DTNB: variants seen among roughly 807,000 people sequenced by gnomAD.
The protein encoded by DTNB is dystrobrevin beta.
DTNB carries 63 observed loss-of-function variants against 90.7 expected under a neutral mutation model. The ratio of observed to expected loss-of-function variants is 0.69; its 90% CI spans 0.57 to 0.86. The LOEUF is 0.86. DTNB is among the 40% of genes least tolerant of loss of function. DTNB has a pLI of 0.00. For synonymous variants in DTNB, 277 were observed against 286.7 expected (o/e 0.97, Z 0.34); for missense variants, 744 against 807.1 (o/e 0.92, Z 0.95).
In DTNB at chr2:25,580,782, G is replaced by T. The variant is rs769696887; in HGVS notation, c.648C>A (p.Asp216Glu). The change falls in exon 7 of 21, where the codon GAC (aspartate) becomes GAA (glutamate). Residue 216 changes from aspartate (D) to glutamate (E), a missense_variant. Physicochemically the swap from Asp to Glu is conservative, Grantham distance 45. Transcript: ENST00000406818. ...LNMFLDTMMA[D>E]PPPQCLVWLP... is the part of the protein sequence containing the mutation. ...GCCAGACAAGGCACTGGGGAGGAGGGTCAGCCATCATTGTGTCTAAAAACA... is the reference window on the plus strand; with the variant it reads ...GCCAGACAAGGCACTGGGGAGGAGGTTCAGCCATCATTGTGTCTAAAAACA... The T allele has an allele frequency of 1.2e-6, 2 of 1,613,522 alleles. No homozygotes were observed. The highest frequency in any genetic ancestry group is 1.7e-6 in the Non-Finnish European group (2 of 1,179,584).
intron 8 of DTNB, among the ~76,000 whole-genome samples, chr2:25,543,862 C>G (rs2081888805): frequency 1.3e-5 from 2 of 152,180 alleles, no homozygotes; most frequent in South Asian, 4.1e-4. Flanking sequence ...TGAGAACTTA[C>G]TGTCAGGGAC....
At chr2:25,507,724 G>A (rs1171616130) in intron 9 of DTNB, among the ~76,000 whole-genome samples, 1 of 152,106 alleles carries the variant, frequency 6.6e-6, no homozygotes, top group African/African-American at 2.4e-5. Context: ...TTTTAAAATG[G>A]AAGTCAGATC....
chr2:25,455,351 T>C lies in DTNB; in HGVS notation c.1169+54A>G, dbSNP rs2150153850. 4 of 1,500,016 alleles carry C rather than the reference T, an allele frequency of 2.7e-6. No homozygotes were observed. In the South Asian group the frequency reaches 3.8e-5, roughly 14 times the overall value. The allele number at this position is 1,500,016 out of a possible 1,614,324, so 92.9% of individuals were successfully genotyped here. On this transcript the variant is annotated intron_variant, in intron 11 of 20. Transcript: ENST00000406818. ...AGCTGACAACCCCAGGTAGCAAAGC[T>C]CTCCCTCCCTCTGATCACCCGTGGC...
At chr2:25,655,926 C>T (rs2081987642) in intron 1 of DTNB, among the ~76,000 whole-genome samples, 1 of 152,106 alleles carries the variant, frequency 6.6e-6, no homozygotes, top group Admixed American at 6.6e-5. Flanking sequence ...AACTACCTTT[C>T]CCCTGAAGGA....
At chr2:25,643,990 T>A (rs993918187) in intron 2 of DTNB, among the ~76,000 whole-genome samples, 1 of 152,176 alleles carries the variant, frequency 6.6e-6, no homozygotes, top group Non-Finnish European at 1.5e-5. Flanking sequence ...CTGGTGGTCC[T>A]CACTGCTATA....
chr2:25,524,523 T>C (rs1023454908), intron 9 of DTNB, among the ~76,000 whole-genome samples: 2 of 151,260 alleles, frequency 1.3e-5, no homozygotes, highest in Non-Finnish European at 2.9e-5. Context: ...TCTTGTAGAG[T>C]TGAAGACATT....
intron 4 of DTNB, among the ~76,000 whole-genome samples, chr2:25,620,548 T>C (rs1420059555): frequency 6.6e-6 from 1 of 152,190 alleles, no homozygotes; most frequent in Non-Finnish European, 1.5e-5. Context: ...AAAAATTTTC[T>C]GAAAGATTAG....
chr2:25,531,538 C>T lies in DTNB; in HGVS notation c.936G>A (p.Thr312=), dbSNP rs1558905877. The change falls in exon 9 of 21, where the codon ACG becomes ACA. Residue 312 remains threonine, a synonymous_variant. Transcript: ENST00000406818. The part of the protein sequence containing the change: ...AISKSLGCVP[T]REPPHPVFPE... Reference sequence around the variant, plus strand: ...GAAAAACAGGATGCGGGGGTTCTCTCGTGGGTACACACCCCAAAGATTTAC... The same window carrying T: ...GAAAAACAGGATGCGGGGGTTCTCTTGTGGGTACACACCCCAAAGATTTAC... 7 of 1,613,768 alleles carry T rather than the reference C, an allele frequency of 4.3e-6. No homozygotes were observed. The highest frequency in any genetic ancestry group is 2.2e-5 in the South Asian group (2 of 91,076).
chr2:25,611,403 G>A (rs1407160495), intron 4 of DTNB, among the ~76,000 whole-genome samples: 1 of 152,186 alleles, frequency 6.6e-6, no homozygotes, highest in Non-Finnish European at 1.5e-5. Context: ...CACAAGAACT[G>A]ATAACATTCT....
chr2:25,431,104 T>C (rs1422915035), intron 14 of DTNB, among the ~76,000 whole-genome samples: 1 of 152,186 alleles, frequency 6.6e-6, no homozygotes, highest in Non-Finnish European at 1.5e-5. Context: ...AAGTTCTTAA[T>C]ATTAATATAA....
intron 10 of DTNB, among the ~76,000 whole-genome samples, chr2:25,459,264 C>G (rs2060551566): frequency 6.6e-6 from 1 of 151,568 alleles, no homozygotes; most frequent in Non-Finnish European, 1.5e-5. Context: ...TGTTAGACTG[C>G]CTGACATTAT....
chr2:25,517,216 G>A (rs1489734347), intron 9 of DTNB, among the ~76,000 whole-genome samples: 2 of 152,196 alleles, frequency 1.3e-5, no homozygotes, highest in Admixed American at 1.3e-4. Flanking sequence ...CATATTGTAC[G>A]ATTCTGTTTA....
In DTNB at chr2:25,661,400, G is replaced by T. The variant is rs188026043; in HGVS notation, c.-1-8739C>A. The stretch of plus-strand genomic sequence containing the variant: ...GATTCACAGAAGAGACAACAAAAAT[G>T]GAAAACAAATACATAAAAAGTTGCA... On this transcript the variant is annotated intron_variant, in intron 1 of 20. Transcript: ENST00000406818. Among the ~76,000 whole-genome samples the T allele has an allele frequency of 3.5e-3, 529 of 152,260 alleles. 2 individuals are homozygous for T. The highest frequency in any genetic ancestry group is 0.012 in the African/African-American group (507 of 41,534).
intron 14 of DTNB, among the ~76,000 whole-genome samples, chr2:25,430,372 T>C (rs2053454993): frequency 6.6e-6 from 1 of 152,146 alleles, no homozygotes; most frequent in African/African-American, 2.4e-5. Flanking sequence ...CATTCAATGT[T>C]CTAGGAAGAC....
chr2:25,578,334 T>C (rs1396059876), intron 7 of DTNB, among the ~76,000 whole-genome samples: 1 of 152,218 alleles, frequency 6.6e-6, no homozygotes, highest in African/African-American at 2.4e-5. Context: ...AAATGCTAAT[T>C]AAGAGCATGT....
chr2:25,558,451 G>A, intron 8 of DTNB: 1 of 976,646 alleles, frequency 1.0e-6, no homozygotes. Flanking sequence ...AAAGGGCTGT[G>A]GCTAAGTGAT....
chr2:25,570,303 G>T (rs1289439694), intron 8 of DTNB, among the ~76,000 whole-genome samples: 2 of 151,044 alleles, frequency 1.3e-5, no homozygotes, highest in African/African-American at 4.9e-5. Context: ...AGCTACTCAG[G>T]AGGGTGAGGT....
At chr2:25,577,250 C>T (rs897039849) in intron 7 of DTNB, among the ~76,000 whole-genome samples, 5 of 152,170 alleles carry the variant, frequency 3.3e-5, no homozygotes, top group African/African-American at 1.2e-4. Flanking sequence ...GCCTGGACAA[C>T]ATGGCAAAAC....
intron 8 of DTNB, among the ~76,000 whole-genome samples, chr2:25,565,477 T>C (rs1369062219): frequency 1.3e-5 from 2 of 152,186 alleles, no homozygotes; most frequent in African/African-American, 2.4e-5. Flanking sequence ...CTCGAATTCC[T>C]GGCTTCAAGT....
Sources: gnomAD v4.1 joint callset for allele counts (sites outside exome capture counted in the v4.1 genomes callset) on GRCh38, gnomAD v4.1.1 for gene constraint, MANE v1.5 for transcripts, NCBI Gene and HGNC (gene_info 2026-07-23, HGNC 2026-07-21) for gene names.